The following DNAJC5B variants were observed in gnomAD, a reference collection of about 807,000 sequenced individuals.
DNAJC5B encodes the protein DnaJ heat shock protein family (Hsp40) member C5 beta, also known as dnaJ homolog subfamily C member 5B.
DNAJC5B carries 23 observed loss-of-function variants against 24.7 expected under a neutral mutation model. That is an observed-to-expected ratio of 0.93 (90% confidence interval 0.67 to 1.32). The LOEUF (loss-of-function observed/expected upper bound fraction) is 1.32, where lower values mean the gene tolerates loss of function less well. DNAJC5B is among the 40% of genes most tolerant of loss of function. DNAJC5B has a pLI of 0.00. For synonymous variants in DNAJC5B, 101 were observed against 90.1 expected (o/e 1.12, Z -0.68); for missense variants, 238 against 240.8 (o/e 0.99, Z 0.08).
intron 3 of DNAJC5B, among the ~76,000 whole-genome samples, chr8:66,073,891 T>C (rs944288651): frequency 1.3e-5 from 2 of 151,944 alleles, no homozygotes; most frequent in African/African-American, 4.8e-5. Flanking sequence ...TTATAGAGAG[T>C]TTATAGAACA....
At chr8:66,064,570 A>C (rs1423031333) in intron 3 of DNAJC5B, among the ~76,000 whole-genome samples, 1 of 152,236 alleles carries the variant, frequency 6.6e-6, no homozygotes, top group Non-Finnish European at 1.5e-5. Context: ...AAGAAAAACC[A>C]CAAATGTAAA....
chr8:66,032,452 A>G (rs749511839), intron 1 of DNAJC5B, among the ~76,000 whole-genome samples: 13 of 152,202 alleles, frequency 8.5e-5, no homozygotes, highest in Non-Finnish European at 1.8e-4. Flanking sequence ...TGTGGATATT[A>G]TTATTTAATA....
intron 3 of DNAJC5B, among the ~76,000 whole-genome samples, chr8:66,055,610 T>C (rs796583215): frequency 8.6e-5 from 13 of 151,140 alleles, no homozygotes; most frequent in Admixed American, 2.6e-4. Context: ...TTATCAATTC[T>C]TTGTATACCC....
chr8:66,015,647 T>G, the DNAJC5B span, among the ~76,000 whole-genome samples: 1 of 152,086 alleles, frequency 6.6e-6, no homozygotes, highest in Non-Finnish European at 1.5e-5. Context: ...AGTAGCAGTA[T>G]TAAATGGGGG....
intron 2 of DNAJC5B, among the ~76,000 whole-genome samples, chr8:66,049,691 G>C (rs1286358426): frequency 1.3e-5 from 2 of 152,194 alleles, no homozygotes; most frequent in Non-Finnish European, 2.9e-5. Flanking sequence ...TGTCGGCTGT[G>C]GGTGTTATCA....
intron 4 of DNAJC5B, among the ~76,000 whole-genome samples, chr8:66,079,761 G>C (rs1807550525): frequency 6.6e-6 from 1 of 152,176 alleles, no homozygotes; most frequent in Admixed American, 6.5e-5. Flanking sequence ...ATTTGAGGGA[G>C]GCCAGAGGGG....
At chr8:66,074,979 G>A (rs1265718338) in intron 3 of DNAJC5B, among the ~76,000 whole-genome samples, 1 of 152,224 alleles carries the variant, frequency 6.6e-6, no homozygotes, top group Non-Finnish European at 1.5e-5. Flanking sequence ...TGAGCTGACA[G>A]AGATCCAAGC....
At position 66,047,984 on chromosome 8, in the gene DNAJC5B, T is replaced by C. The variant is rs552438554; in HGVS notation, c.-17-3547T>C. Among the ~76,000 whole-genome samples the C allele has an allele frequency of 3.3e-5, 5 of 152,020 alleles. No homozygotes were observed. In the South Asian group the frequency reaches 1.0e-3, roughly 32 times the overall value. On this transcript the variant is annotated intron_variant, in intron 2 of 5. Coordinates refer to ENST00000276570, the MANE Select transcript of DNAJC5B (RefSeq NM_033105.6). The stretch of plus-strand genomic sequence containing the variant: ...AAGATGTGCCAGTGCTCAGGGAGAG[T>C]TGCAGAGAAGAGCTTTAGTGTCCAC...
intron 3 of DNAJC5B, among the ~76,000 whole-genome samples, chr8:66,069,436 GAAAGC>G (rs1807297660): frequency 1.3e-5 from 2 of 152,048 alleles, no homozygotes; most frequent in South Asian, 2.1e-4. Context: ...AATGAAGACA[GAAAGC>G]ATTACTACAG....
At chr8:66,058,319 A>G (rs1807010404) in intron 3 of DNAJC5B, among the ~76,000 whole-genome samples, 1 of 152,042 alleles carries the variant, frequency 6.6e-6, no homozygotes, top group East Asian at 1.9e-4. Context: ...CTTCTCGGAG[A>G]GGGAAACCCT....
intron 2 of DNAJC5B, among the ~76,000 whole-genome samples, chr8:66,044,306 A>C (rs1391429509): frequency 6.6e-6 from 1 of 152,154 alleles, no homozygotes; most frequent in African/African-American, 2.4e-5. Context: ...AAACTTGTTG[A>C]TTTCCCCAGT....
At chr8:66,035,922 A>G (rs1005697532) in intron 1 of DNAJC5B, among the ~76,000 whole-genome samples, 2 of 152,064 alleles carry the variant, frequency 1.3e-5, no homozygotes, top group Non-Finnish European at 2.9e-5. Flanking sequence ...TTTCTTTACC[A>G]TGATCTGGTC....
intron 5 of DNAJC5B, among the ~76,000 whole-genome samples, chr8:66,087,239 T>G (rs565141526): frequency 1.3e-5 from 2 of 152,238 alleles, no homozygotes; most frequent in South Asian, 4.1e-4. Context: ...AAGGGGAAGT[T>G]CCACACTTTT....
chr8:66,071,558 G>A (rs1807349478), intron 3 of DNAJC5B, among the ~76,000 whole-genome samples: 2 of 152,212 alleles, frequency 1.3e-5, no homozygotes, highest in Admixed American at 1.3e-4. Flanking sequence ...AACAACAGAT[G>A]CTGGAGAGGA....
Position 66,040,285 on chromosome 8 carries a change from G to A in DNAJC5B, c.-141-3203G>A, listed in dbSNP as rs184480291. 1.3e-3 allele frequency among the ~76,000 whole-genome samples: 192 copies of A among 152,264 alleles called. 1 individual carries two copies. Among genetic ancestry groups the A allele is most frequent in the Middle Eastern group, 0.01 (3 of 294 alleles). On this transcript the variant is annotated intron_variant, in intron 1 of 5. Coordinates refer to ENST00000276570, the MANE Select transcript of DNAJC5B (RefSeq NM_033105.6). ...CGTGCCTGTAGTCCCAGCTACTTGG[G>A]AGGCTGAGGCAGGGGAATCACCTGA...
At chr8:66,077,941 T>G (rs1209328332) in intron 4 of DNAJC5B, among the ~76,000 whole-genome samples, 1 of 152,314 alleles carries the variant, frequency 6.6e-6, no homozygotes, top group East Asian at 1.9e-4. Flanking sequence ...TTGAGCAGAT[T>G]TGGAATTTGG....
At chr8:66,031,343 T>C (rs1308589436) in intron 1 of DNAJC5B, among the ~76,000 whole-genome samples, 2 of 152,236 alleles carry the variant, frequency 1.3e-5, no homozygotes, top group Non-Finnish European at 2.9e-5. Flanking sequence ...TAGGTCATTA[T>C]TGGCATTTCC....
intron 3 of DNAJC5B, among the ~76,000 whole-genome samples, chr8:66,052,923 T>C (rs1806883105): frequency 6.6e-6 from 1 of 151,850 alleles, no homozygotes; most frequent in African/African-American, 2.4e-5. Context: ...TTTGTTTGCT[T>C]GTTTGTTTAG....
At chr8:66,054,341 G>C (rs1806917546) in intron 3 of DNAJC5B, among the ~76,000 whole-genome samples, 1 of 152,128 alleles carries the variant, frequency 6.6e-6, no homozygotes, top group African/African-American at 2.4e-5. Flanking sequence ...ATGGTTAAAA[G>C]ACCTCTCGCA....
Sources: allele counts gnomAD v4.1 joint callset (sites outside exome capture counted in the v4.1 genomes callset), GRCh38; gene constraint gnomAD v4.1.1; transcripts MANE v1.5; gene names NCBI Gene and HGNC (gene_info 2026-07-23, HGNC 2026-07-21).